RILPL1: variants seen among roughly 807,000 people sequenced by gnomAD.
RILPL1 encodes RILP-like protein 1.
In RILPL1, 33 loss-of-function variants were observed where a neutral mutation model predicts 50.3. The ratio of observed to expected loss-of-function variants is 0.66; its 90% CI spans 0.50 to 0.88. The LOEUF is 0.88. Among genes scored for constraint, RILPL1 ranks in the 40% least tolerant of loss-of-function variants. The pLI, the probability that RILPL1 is intolerant of heterozygous loss-of-function variation, is 0.00. For synonymous variants in RILPL1, 205 were observed against 228.6 expected (o/e 0.90, Z 0.93); for missense variants, 418 against 542.5 (o/e 0.77, Z 2.28).
intron 2 of RILPL1, among the ~76,000 whole-genome samples, chr12:123,517,714 G>A (rs1376135264): frequency 1.3e-5 from 2 of 152,096 alleles, no homozygotes; most frequent in Non-Finnish European, 2.9e-5. Flanking sequence ...GAGCCACCGC[G>A]CTTCTGAGAG....
chr12:123,508,027 G>T (rs1392635285), intron 2 of RILPL1, among the ~76,000 whole-genome samples: 1 of 151,352 alleles, frequency 6.6e-6, no homozygotes, highest in Non-Finnish European at 1.5e-5. Flanking sequence ...ATGGGGGATT[G>T]CTTTTGGGAT....
At chr12:123,511,214 G>C (rs1282762809) in intron 2 of RILPL1, among the ~76,000 whole-genome samples, 24 of 147,302 alleles carry the variant, frequency 1.6e-4, no homozygotes, top group African/African-American at 6.1e-4. Context: ...CTGTATGTGT[G>C]TGTGTGGTGT....
rs540492164 is a variant in RILPL1, at chr12:123,471,193, C to T, written c.*1345G>A. On this transcript the variant is annotated 3_prime_UTR_variant, in exon 7 of 7. Coordinates refer to ENST00000376874, the MANE Select transcript of RILPL1 (RefSeq NM_178314.5). Reference sequence around the variant, plus strand: ...TCAAGGAATTCTCCTGTCTCGGCCTCCTGAGCAGCTGGGATTATAGGCATG... The same window carrying T: ...TCAAGGAATTCTCCTGTCTCGGCCTTCTGAGCAGCTGGGATTATAGGCATG... 1.3e-5 allele frequency: 2 copies of T among 152,066 alleles called. No individual in the cohort carries two copies. Among genetic ancestry groups the T allele is most frequent in the South Asian group, 4.2e-4 (2 of 4,812 alleles). 9.4% of individuals were successfully genotyped at this position (152,066 alleles called of 1,614,324 possible).
intron 3 of RILPL1, 61 bp downstream of exon 3, chr12:123,499,357 G>C: frequency 8.7e-7 from 1 of 1,145,390 alleles, no homozygotes; most frequent in Non-Finnish European, 1.3e-6. Context: ...TGGAGGGTCT[G>C]GTCTCTGGCT....
intron 2 of RILPL1, among the ~76,000 whole-genome samples, chr12:123,515,085 C>T (rs372873227): frequency 1.3e-5 from 2 of 151,938 alleles, no homozygotes; most frequent in East Asian, 1.9e-4. Context: ...TGTGCACCAC[C>T]ATGCCCAGCT....
Position 123,503,344 on chromosome 12 carries a change from G to T in RILPL1, c.461-3808C>A, listed in dbSNP as rs374219621. ...GCCTCCCAAGTATCTGGGATTACAG[G>T]CACCTGCCACAACCTGGCTAATTTT... On this transcript the variant is annotated intron_variant, in intron 2 of 6. Transcript: ENST00000376874. 3.3e-5 allele frequency among the ~76,000 whole-genome samples: 5 copies of T among 151,312 alleles called. No individual in the cohort carries two copies. In the East Asian group the frequency reaches 7.8e-4, roughly 24 times the overall value.
Position 123,476,498 on chromosome 12 carries a change from G to A in RILPL1, c.1068-3816C>T, listed in dbSNP as rs188634018. On this transcript the variant is annotated intron_variant, in intron 6 of 6. Coordinates refer to ENST00000376874, the MANE Select transcript of RILPL1 (RefSeq NM_178314.5). ...TTACAAATGTAACTAGTTAAGATGA[G>A]GTTATGCTGGAGTAGGGTGGGTTCT... Among the ~76,000 whole-genome samples, 4 of 151,814 alleles carry A rather than the reference G, an allele frequency of 2.6e-5. No individual in the cohort carries two copies. The East Asian group carries it at 7.8e-4, about 30-fold the overall frequency.
At chr12:123,527,388 C>T (rs1410777382) in intron 1 of RILPL1, among the ~76,000 whole-genome samples, 1 of 150,482 alleles carries the variant, frequency 6.6e-6, no homozygotes, top group Non-Finnish European at 1.5e-5. Context: ...CCTATAATCA[C>T]AGCAATTTGG....
At chr12:123,501,517 T>G (rs1883380592) in intron 2 of RILPL1, among the ~76,000 whole-genome samples, 1 of 151,830 alleles carries the variant, frequency 6.6e-6, no homozygotes, top group African/African-American at 2.4e-5. Flanking sequence ...ATCCCAGCAC[T>G]TTGGGAAGCC....
At position 123,485,080 on chromosome 12, in the gene RILPL1, G is replaced by A. The variant is rs1288263398; in HGVS notation, c.974+553C>T. 2.2e-6 allele frequency: 1 copy of A among 450,524 alleles called. No individual in the cohort carries two copies. The highest frequency in any genetic ancestry group is 4.5e-6 in the Non-Finnish European group (1 of 222,164). 27.9% of individuals were successfully genotyped at this position (450,524 alleles called of 1,614,324 possible). On this transcript the variant is annotated intron_variant, in intron 5 of 6. Coordinates refer to ENST00000376874, the MANE Select transcript of RILPL1 (RefSeq NM_178314.5). This position sits in a 1 kb window ranked among gnomAD's most constrained non-coding sequence, Gnocchi z 4.0. ...AGCAGGGACCACCTCTGGTGCATGG[G>A]TCCTTCCTTCCAGCTTTCTATTCAA...
chr12:123,504,272 T>C (rs1883596712), intron 2 of RILPL1, among the ~76,000 whole-genome samples: 2 of 152,006 alleles, frequency 1.3e-5, no homozygotes, highest in African/African-American at 4.8e-5. Context: ...TCTAATCCCA[T>C]GAGGAGAAAG....
chr12:123,527,418 C>G (rs1885299779), intron 1 of RILPL1, among the ~76,000 whole-genome samples: 1 of 151,374 alleles, frequency 6.6e-6, no homozygotes, highest in Non-Finnish European at 1.5e-5. Context: ...GCAGGAGGAT[C>G]ACTTGAGGTC....
intron 6 of RILPL1, among the ~76,000 whole-genome samples, chr12:123,478,869 G>A (rs929568083): frequency 1.3e-5 from 2 of 152,254 alleles, no homozygotes; most frequent in African/African-American, 4.8e-5. Context: ...CGAGGCTGAA[G>A]TCACTCCAGC....
At chr12:123,482,393 T>C (rs1163283742) in intron 6 of RILPL1, among the ~76,000 whole-genome samples, 1 of 152,096 alleles carries the variant, frequency 6.6e-6, no homozygotes, top group Admixed American at 6.6e-5. Flanking sequence ...TGAATGAAGC[T>C]GGAAGGGAGT....
Position 123,524,353 on chromosome 12 carries a change from C to T in RILPL1, c.310-708G>A, listed in dbSNP as rs190013793. Among the ~76,000 whole-genome samples the T allele has an allele frequency of 1.4e-4, 22 of 152,280 alleles. No homozygotes were observed. The South Asian group carries it at 3.5e-3, about 24-fold the overall frequency. ...CTGCTGGTGGGAATGGAAAATGCTG[C>T]GGACATTTTGGAAAACACTCTGGCA... On this transcript the variant is annotated intron_variant, in intron 1 of 6. Transcript: ENST00000376874.
intron 1 of RILPL1, among the ~76,000 whole-genome samples, chr12:123,532,222 C>T (rs1885460810): frequency 6.6e-6 from 1 of 152,226 alleles, no homozygotes; most frequent in African/African-American, 2.4e-5. Flanking sequence ...TGTTTCCTCC[C>T]ATTCTCAGTC....
At chr12:123,481,117 G>A (rs193138791) in intron 6 of RILPL1, among the ~76,000 whole-genome samples, 7,694 of 152,202 alleles carry the variant, frequency 0.051, 597 homozygotes, top group African/African-American at 0.17. Context: ...AGCACTTTGG[G>A]AGGCCGAGGC....
chr12:123,527,902 C>A (rs756789017), intron 1 of RILPL1, among the ~76,000 whole-genome samples: 5 of 152,090 alleles, frequency 3.3e-5, no homozygotes, highest in Non-Finnish European at 5.9e-5. Flanking sequence ...CCACAGCCCC[C>A]CAAAGGAGTG....
Position 123,533,165 on chromosome 12 carries a change from G to C in RILPL1, c.309+9C>G. The C allele has an allele frequency of 6.6e-7, 1 of 1,526,054 alleles. No individual in the cohort carries two copies. The highest frequency in any genetic ancestry group is 8.8e-7 in the Non-Finnish European group (1 of 1,137,640). The allele number at this position is 1,526,054 out of a possible 1,614,324, so 94.5% of individuals were successfully genotyped here. A position where few individuals can be genotyped will look rare whatever the true frequency, so the allele number is the denominator to read the frequency against. On this transcript the variant is annotated intron_variant, in intron 1 of 6. Coordinates refer to ENST00000376874, the MANE Select transcript of RILPL1 (RefSeq NM_178314.5). The surrounding 1 kb of genome is among the most constrained non-coding windows in gnomAD (Gnocchi z 6.2). Reference sequence around the variant, plus strand: ...CTGCCCGGACGGACAGACCGAGGCCGCCGCCCACCTTCTGGTGCTTGCGCT... The same window carrying C: ...CTGCCCGGACGGACAGACCGAGGCCCCCGCCCACCTTCTGGTGCTTGCGCT...
Sources: allele counts gnomAD v4.1 joint callset (sites outside exome capture counted in the v4.1 genomes callset), GRCh38; gene constraint gnomAD v4.1.1; non-coding constraint Gnocchi (gnomAD v3.1); transcripts MANE v1.5; gene names NCBI Gene and HGNC (gene_info 2026-07-23, HGNC 2026-07-21).